Variants in DIP2A observed in about 807,000 individuals in gnomAD.
DIP2A encodes the protein disco-interacting protein 2 homolog A.
In DIP2A, 85 loss-of-function variants were observed where a neutral mutation model predicts 177.4. The ratio of observed to expected loss-of-function variants is 0.48; its 90% CI spans 0.40 to 0.57. DIP2A has a LOEUF of 0.57. Among genes scored for constraint, DIP2A ranks in the 20% least tolerant of loss-of-function variants. The pLI is 0.00. For missense variants in DIP2A, 1,791 were observed against 2,100.2 expected (o/e 0.85, Z 2.88); for synonymous variants, 886 against 881.8 (o/e 1.00, Z -0.08).
At chr21:46,483,339 C>CAA (rs201918287) in intron 1 of DIP2A, among the ~76,000 whole-genome samples, 70 of 138,296 alleles carry the variant, frequency 5.1e-4, no homozygotes, top group African/African-American at 1.7e-3. Context: ...ACACTAAATG[C>CAA]AAAAAAAAAA....
At chr21:46,518,502 C>A (rs1278580517) in intron 8 of DIP2A, among the ~76,000 whole-genome samples, 1 of 152,212 alleles carries the variant, frequency 6.6e-6, no homozygotes, top group Non-Finnish European at 1.5e-5. Flanking sequence ...AGATTGAGAT[C>A]TTTCCTGTCA....
chr21:46,578,699 G>A, the DIP2A span, among the ~76,000 whole-genome samples: 3 of 152,124 alleles, frequency 2.0e-5, no homozygotes, highest in African/African-American at 7.2e-5. Flanking sequence ...CCTTTTCTGT[G>A]TCTATTGATA....
At chr21:46,508,215 A>C (rs2058116235) in intron 6 of DIP2A, among the ~76,000 whole-genome samples, 1 of 150,548 alleles carries the variant, frequency 6.6e-6, no homozygotes, top group African/African-American at 2.4e-5. Flanking sequence ...TTATTTTTTA[A>C]ATTTTTTGTA....
intron 8 of DIP2A, 79 bp downstream of exon 8, chr21:46,511,693 C>A: frequency 7.5e-7 from 1 of 1,335,696 alleles, no homozygotes; most frequent in African/African-American, 1.5e-5. Flanking sequence ...AGACATACAG[C>A]TTGATAAATA....
intron 32 of DIP2A, chr21:46,558,675 T>A (rs961929510): frequency 1.3e-5 from 6 of 449,630 alleles, no homozygotes; most frequent in Middle Eastern, 4.9e-4. Context: ...CACAGCTAAG[T>A]TCTTAAAGCA....
intron 1 of DIP2A, among the ~76,000 whole-genome samples, chr21:46,484,233 G>A (rs1252675266): frequency 6.6e-6 from 1 of 152,106 alleles, no homozygotes; most frequent in East Asian, 1.9e-4. Flanking sequence ...TGCATTTTTG[G>A]CAAGCTCCCA....
intron 19 of DIP2A, 96 bp downstream of exon 19, chr21:46,545,369 C>T (rs759349269): frequency 9.1e-5 from 128 of 1,404,522 alleles, no homozygotes; most frequent in Non-Finnish European, 1.1e-4. Context: ...GCAGAGGCTG[C>T]GGGGATGGTC....
downstream of DIP2A, among the ~76,000 whole-genome samples, chr21:46,570,095 C>T (rs2839341): frequency 0.056 from 8,506 of 152,120 alleles, 313 homozygotes; most frequent in Non-Finnish European, 0.08. Context: ...GCTGTATTGC[C>T]GTACATCAGC....
intron 25 of DIP2A, among the ~76,000 whole-genome samples, chr21:46,552,629 C>T (rs2060314004): frequency 6.6e-6 from 1 of 152,158 alleles, no homozygotes. Context: ...CTTGGTGCTG[C>T]TCATTCGAAT....
intron 37 of DIP2A, 114 bp downstream of exon 37, chr21:46,566,797 C>A: frequency 7.3e-7 from 1 of 1,370,040 alleles, no homozygotes; most frequent in Non-Finnish European, 1.0e-6. Flanking sequence ...GGGCACAGGC[C>A]TCCTGCATTG....
chr21:46,539,403 C>G (rs1217757740), intron 16 of DIP2A: 1 of 208,938 alleles, frequency 4.8e-6, no homozygotes, highest in Non-Finnish European at 9.8e-6. Context: ...GCCTCTCATT[C>G]TCTTGGTCCA....
intron 8 of DIP2A, among the ~76,000 whole-genome samples, chr21:46,516,952 C>G (rs887159609): frequency 6.6e-6 from 1 of 151,832 alleles, no homozygotes; most frequent in Non-Finnish European, 1.5e-5. Flanking sequence ...CTTCTGCTGC[C>G]TTGAATACAC....
At chr21:46,465,945 G>C (rs1055567632) in intron 1 of DIP2A, among the ~76,000 whole-genome samples, 1 of 152,140 alleles carries the variant, frequency 6.6e-6, no homozygotes, top group Non-Finnish European at 1.5e-5. Context: ...TGCAGTTATT[G>C]AGACTTGGGT....
chr21:46,500,008 G>A lies in DIP2A; in HGVS notation c.655+1175G>A, dbSNP rs577667398. ...TTGTGCTGGGGTCCCCATGGGTGCC[G>A]AGCTCTTTTTTGTAAGACCTCGGTC... On this transcript the variant is annotated intron_variant, in intron 5 of 37. Coordinates refer to ENST00000417564, the MANE Select transcript of DIP2A (RefSeq NM_015151.4). Among the ~76,000 whole-genome samples, 8 of 152,162 alleles carry A rather than the reference G, an allele frequency of 5.3e-5. No homozygotes were observed. In the East Asian group the frequency reaches 5.8e-4, roughly 11 times the overall value.
intron 8 of DIP2A, among the ~76,000 whole-genome samples, chr21:46,518,073 C>A (rs1399616893): frequency 6.6e-6 from 1 of 152,240 alleles, no homozygotes; most frequent in African/African-American, 2.4e-5. Context: ...TTTTAAAATT[C>A]ATCCATGTTA....
the DIP2A span, among the ~76,000 whole-genome samples, chr21:46,575,357 A>G: frequency 2.6e-5 from 4 of 152,156 alleles, no homozygotes; most frequent in African/African-American, 9.6e-5. Context: ...TTTTTCTGAT[A>G]AGATCAGAAA....
chr21:46,501,964 A>G (rs1417796209), intron 5 of DIP2A, among the ~76,000 whole-genome samples: 3 of 152,220 alleles, frequency 2.0e-5, no homozygotes, highest in African/African-American at 4.8e-5. Flanking sequence ...CAAAAGGTAT[A>G]TTCTGCTATG....
At chr21:46,576,230 C>G in the DIP2A span, among the ~76,000 whole-genome samples, 1 of 152,122 alleles carries the variant, frequency 6.6e-6, no homozygotes, top group Non-Finnish European at 1.5e-5. Context: ...AACCAATCAC[C>G]TAAGTCCAGC....
chr21:46,559,124 A>G (rs111854359), intron 32 of DIP2A: 16 of 138,070 alleles, frequency 1.2e-4, no homozygotes, highest in African/African-American at 3.4e-4. Flanking sequence ...AAAAAAAAAA[A>G]CATAGGTAGC....
Sources: allele counts gnomAD v4.1 joint callset (sites outside exome capture counted in the v4.1 genomes callset), GRCh38; gene constraint gnomAD v4.1.1; transcripts MANE v1.5; gene names NCBI Gene and HGNC (gene_info 2026-07-23, HGNC 2026-07-21).